ZNF624: variants seen among roughly 807,000 people sequenced by gnomAD.
ZNF624 encodes the protein zinc finger protein 624.
In ZNF624, 43 loss-of-function variants were observed where a neutral mutation model predicts 74.7. The ratio of observed to expected loss-of-function variants is 0.58; its 90% confidence interval spans 0.45 to 0.74. The LOEUF is 0.74. ZNF624 is among the 30% of genes least tolerant of loss of function. The pLI is 0.00. For missense variants in ZNF624, 820 were observed against 1,030.0 expected (o/e 0.80, Z 2.79); for synonymous variants, 331 against 341.3 (o/e 0.97, Z 0.33).
intron 3 of ZNF624, among the ~76,000 whole-genome samples, chr17:16,643,130 T>A (rs542003429): frequency 6.6e-6 from 1 of 152,276 alleles, no homozygotes; most frequent in South Asian, 2.1e-4. Context: ...CTCCAAATGG[T>A]TTAACATAGA....
chr17:16,641,315 G>T (rs1909461843), intron 3 of ZNF624, among the ~76,000 whole-genome samples: 1 of 150,504 alleles, frequency 6.6e-6, no homozygotes, highest in African/African-American at 2.5e-5. Context: ...ACAGGATCTT[G>T]CTCATCGCCC....
rs374303661 is a variant in ZNF624 at position 16,647,213 on chromosome 17, A to G, written c.153+116T>C. On this transcript the variant is annotated intron_variant, in intron 3 of 5. Transcript: ENST00000311331. ...AATTGATGCCACCAGCCCTGGGGCT[A>G]CCACACCAATCAAATAATCATTGTG... 837 of 937,320 alleles carry G rather than the reference A, an allele frequency of 8.9e-4. 9 individuals carry two copies. In the South Asian group the frequency reaches 0.011, roughly 12 times the overall value. 58.1% of individuals were successfully genotyped at this position (937,320 alleles called of 1,614,324 possible).
chr17:16,622,069 C>G lies in ZNF624; in HGVS notation c.*219G>C, dbSNP rs1908927219. 1.1e-5 allele frequency: 4 copies of G among 358,516 alleles called. No individual in the cohort carries two copies. Among genetic ancestry groups the G allele is most frequent in the Non-Finnish European group, 2.0e-5 (4 of 201,604 alleles). 22.2% of individuals were successfully genotyped at this position (358,516 alleles called of 1,614,324 possible). A position where few individuals can be genotyped will look rare whatever the true frequency, so the allele number is the denominator to read the frequency against. On this transcript the variant is annotated 3_prime_UTR_variant, in exon 6 of 6. Coordinates refer to ENST00000311331, the MANE Select transcript of ZNF624 (RefSeq NM_020787.4). ...TTGTTAAATGAGTAAAGTATGAAAT[C>G]TGGATGAACACTTTCATTTGTTCAT... is the stretch of plus-strand genomic sequence containing the variant.
rs1360475022 is a variant in ZNF624 at position 16,633,974 on chromosome 17, A to G, written c.281-17T>C. ...CTGCAAGCCCTGTCCAGAGAAAAAT[A>G]AATAGGATTTGATTGGAGCCATGAG... On this transcript the variant is annotated splice_polypyrimidine_tract_variant and intron_variant, in intron 4 of 5. Transcript: ENST00000311331. 1.2e-6 allele frequency: 2 copies of G among 1,605,300 alleles called. No individual in the cohort carries two copies. Among genetic ancestry groups the G allele is most frequent in the Non-Finnish European group, 8.5e-7 (1 of 1,173,510 alleles).
At chr17:16,650,213 C>CCAAGAA (rs1909689522) in intron 1 of ZNF624, among the ~76,000 whole-genome samples, 3 of 152,096 alleles carry the variant, frequency 2.0e-5, no homozygotes, top group African/African-American at 7.2e-5. Flanking sequence ...ATTAAATATT[C>CCAAGAA]TAAGAATCTC....
chr17:16,626,614 T>G (rs954419352), intron 5 of ZNF624, among the ~76,000 whole-genome samples: 2 of 152,122 alleles, frequency 1.3e-5, no homozygotes, highest in Non-Finnish European at 2.9e-5. Flanking sequence ...GAGCTGGGCA[T>G]AGTGGCACAC....
intron 3 of ZNF624, among the ~76,000 whole-genome samples, chr17:16,640,331 C>A (rs1909437784): frequency 6.6e-6 from 1 of 151,642 alleles, no homozygotes; most frequent in African/African-American, 2.4e-5. Flanking sequence ...AAATCAGTAA[C>A]CTAAATTTAT....
At chr17:16,643,050 C>G (rs950065389) in intron 3 of ZNF624, among the ~76,000 whole-genome samples, 1 of 152,212 alleles carries the variant, frequency 6.6e-6, no homozygotes, top group Non-Finnish European at 1.5e-5. Flanking sequence ...AGTAGAGCAA[C>G]TGCAACACTC....
At chr17:16,624,662 G>T in intron 5 of ZNF624, 153 bp from the exon 6 acceptor site, 1 of 696,278 alleles carries the variant, frequency 1.4e-6, no homozygotes, top group Non-Finnish European at 2.2e-6. Flanking sequence ...AGAAGGTAGG[G>T]TTAAGGGAGG....
intron 5 of ZNF624, among the ~76,000 whole-genome samples, chr17:16,632,686 A>G (rs1156497791): frequency 6.6e-6 from 1 of 152,240 alleles, no homozygotes; most frequent in Non-Finnish European, 1.5e-5. Flanking sequence ...CAAAGTTACT[A>G]TCATCTCCTG....
At chr17:16,619,661 T>C (rs2142558887), downstream of ZNF624, among the ~76,000 whole-genome samples, 1 of 152,360 alleles carries the variant, frequency 6.6e-6, no homozygotes, top group East Asian at 1.9e-4. Flanking sequence ...AACCAGGCCC[T>C]GGGAGCTCAC....
rs1276296417 is a variant in ZNF624 at position 16,641,170 on chromosome 17, C to T, written c.153+6159G>A. Reference sequence around the variant, plus strand: ...ACATCATCAACCTGATAAAGACTCTCTATGAAAACCTACATCTAGCCTCAT... The same window carrying T: ...ACATCATCAACCTGATAAAGACTCTTTATGAAAACCTACATCTAGCCTCAT... On this transcript the variant is annotated intron_variant, in intron 3 of 5. Transcript: ENST00000311331. 2.0e-5 allele frequency among the ~76,000 whole-genome samples: 3 copies of T among 152,326 alleles called. No individual in the cohort carries two copies. In the East Asian group the frequency reaches 5.8e-4, roughly 29 times the overall value.
chr17:16,650,113 C>A (rs1382983793), intron 1 of ZNF624, among the ~76,000 whole-genome samples: 1 of 152,118 alleles, frequency 6.6e-6, no homozygotes, highest in East Asian at 1.9e-4. Flanking sequence ...TTCCAAAGCC[C>A]ATACCTTTTC....
At chr17:16,624,562 C>A (rs1909019095) in intron 5 of ZNF624, 53 bp from the exon 6 acceptor site, 1 of 1,441,940 alleles carries the variant, frequency 6.9e-7, no homozygotes, top group Non-Finnish European at 9.4e-7. Flanking sequence ...CTGGGGCAAT[C>A]TCACTAAACA....
the ZNF624 span, among the ~76,000 whole-genome samples, chr17:16,615,503 C>T: frequency 5.3e-4 from 81 of 152,190 alleles, no homozygotes; most frequent in East Asian, 1.7e-3. Context: ...ATAAATTCTA[C>T]GTGTATTTTA....
chr17:16,646,722 T>C (rs185858413), intron 3 of ZNF624, among the ~76,000 whole-genome samples: 9 of 152,330 alleles, frequency 5.9e-5, no homozygotes, highest in Admixed American at 5.9e-4. Flanking sequence ...CAAGTTAATA[T>C]CTAACTTTTA....
At chr17:16,632,561 T>A (rs1411146322) in intron 5 of ZNF624, among the ~76,000 whole-genome samples, 1 of 152,184 alleles carries the variant, frequency 6.6e-6, no homozygotes, top group Non-Finnish European at 1.5e-5. Context: ...ATAAATAATA[T>A]CTGATATATA....
At chr17:16,614,708 C>T in the ZNF624 span, among the ~76,000 whole-genome samples, 2 of 152,088 alleles carry the variant, frequency 1.3e-5, no homozygotes, top group African/African-American at 4.8e-5. Context: ...TGTTATGAGT[C>T]CATAATTCTG....
At chr17:16,634,584 G>T in intron 4 of ZNF624, 46 bp downstream of exon 4, 2 of 1,580,296 alleles carry the variant, frequency 1.3e-6, no homozygotes, top group Non-Finnish European at 1.7e-6. Flanking sequence ...TGGCAAACCT[G>T]GTCAAATGGG....
Sources: allele counts gnomAD v4.1 joint callset (sites outside exome capture counted in the v4.1 genomes callset), GRCh38; gene constraint gnomAD v4.1.1; transcripts MANE v1.5; gene names NCBI Gene and HGNC (gene_info 2026-07-23, HGNC 2026-07-21).